The following PCDH15 variants were observed in gnomAD, a reference collection of about 807,000 sequenced individuals.
The protein encoded by PCDH15 is protocadherin related 15.
In PCDH15, 129 loss-of-function variants were observed where a neutral mutation model predicts 178.5. The observed-to-expected ratio is 0.72, with a 90% CI of 0.63 to 0.84. The LOEUF (loss-of-function observed/expected upper bound fraction) is 0.84. PCDH15 is among the 40% of genes least tolerant of loss of function. PCDH15 has a pLI of 0.00. For synonymous variants in PCDH15, 800 were observed against 732.0 expected (o/e 1.09, Z -1.50); for missense variants, 2,230 against 2,099.9 (o/e 1.06, Z -1.21).
intron 3 of PCDH15, among the ~76,000 whole-genome samples, chr10:54,887,618 A>G (rs1372939625): frequency 6.6e-6 from 1 of 152,130 alleles, no homozygotes; most frequent in African/African-American, 2.4e-5. Flanking sequence ...AATAAATTAT[A>G]AACTATTCTC....
At chr10:55,577,196 T>C (rs968738106) in intron 2 of PCDH15, among the ~76,000 whole-genome samples, 1 of 152,140 alleles carries the variant, frequency 6.6e-6, no homozygotes, top group African/African-American at 2.4e-5. Flanking sequence ...TGAGCCAAGA[T>C]TGCACCACTG....
chr10:54,482,940 C>T (rs940724381), intron 3 of PCDH15, among the ~76,000 whole-genome samples: 2 of 151,608 alleles, frequency 1.3e-5, no homozygotes, highest in Admixed American at 1.3e-4. Flanking sequence ...TAGGCAGGTA[C>T]CAGAATCTAA....
At chr10:53,850,106 C>A (rs1017927305) in intron 28 of PCDH15, among the ~76,000 whole-genome samples, 2 of 151,916 alleles carry the variant, frequency 1.3e-5, no homozygotes, top group Non-Finnish European at 2.9e-5. Flanking sequence ...AAAATAAAAC[C>A]TTTTAACTCT....
intron 15 of PCDH15, among the ~76,000 whole-genome samples, chr10:54,113,301 T>A (rs2095057982): frequency 6.6e-6 from 1 of 152,208 alleles, no homozygotes; most frequent in African/African-American, 2.4e-5. Context: ...ACCGAAGATG[T>A]TTTGTTTACT....
intron 3 of PCDH15, among the ~76,000 whole-genome samples, chr10:54,880,858 T>A (rs911816999): frequency 5.9e-5 from 9 of 151,316 alleles, no homozygotes; most frequent in Non-Finnish European, 8.8e-5. Context: ...TAGGATTTTT[T>A]AAAACTTGTA....
At chr10:54,510,899 T>C (rs1399012065) in intron 3 of PCDH15, among the ~76,000 whole-genome samples, 1 of 152,168 alleles carries the variant, frequency 6.6e-6, no homozygotes, top group Non-Finnish European at 1.5e-5. Flanking sequence ...TTAACTCATA[T>C]GATACTAAAG....
chr10:54,071,706 G>C (rs137977754), intron 17 of PCDH15, among the ~76,000 whole-genome samples: 1 of 152,038 alleles, frequency 6.6e-6, no homozygotes, highest in Non-Finnish European at 1.5e-5. Flanking sequence ...ATAGGAATCA[G>C]TCAGGAATAT....
chr10:55,171,589 AG>A (rs1398450486), intron 1 of PCDH15, among the ~76,000 whole-genome samples: 5 of 152,264 alleles, frequency 3.3e-5, no homozygotes, highest in Admixed American at 2.6e-4. Context: ...GATAATAAGG[AG>A]GGGGCCATCC....
At chr10:54,629,634 A>G (rs1353673399) in intron 2 of PCDH15, among the ~76,000 whole-genome samples, 3 of 152,148 alleles carry the variant, frequency 2.0e-5, no homozygotes, top group Non-Finnish European at 4.4e-5. Flanking sequence ...GAGCAAAATC[A>G]TACTGAATGG....
chr10:55,421,168 G>A (rs1838611885), intron 2 of PCDH15, among the ~76,000 whole-genome samples: 1 of 151,392 alleles, frequency 6.6e-6, no homozygotes. Flanking sequence ...AAAGCATTCA[G>A]TAGGATGTTT....
At chr10:54,845,886 A>G (rs1953500929) in intron 3 of PCDH15, among the ~76,000 whole-genome samples, 1 of 152,238 alleles carries the variant, frequency 6.6e-6, no homozygotes, top group African/African-American at 2.4e-5. Flanking sequence ...GATTGTCACC[A>G]CATCCAATGC....
At chr10:54,726,820 G>A (rs1259862035) in intron 1 of PCDH15, among the ~76,000 whole-genome samples, 1 of 150,162 alleles carries the variant, frequency 6.7e-6, no homozygotes, top group Non-Finnish European at 1.5e-5. Flanking sequence ...TCTAAGACTG[G>A]TTCTTCAGGT....
intron 30 of PCDH15, 168 bp downstream of exon 30, chr10:53,831,147 T>C (rs1472261462): frequency 2.5e-6 from 2 of 788,280 alleles, no homozygotes; most frequent in African/African-American, 1.7e-5. Context: ...GAGTTTGTAC[T>C]GTTTTCCTTT....
intron 13 of PCDH15, among the ~76,000 whole-genome samples, chr10:54,172,963 CAAGGA>C (rs1228145989): frequency 6.6e-6 from 1 of 152,014 alleles, no homozygotes; most frequent in Non-Finnish European, 1.5e-5. Flanking sequence ...TTAAGTATAT[CAAGGA>C]AAGGGGATAA....
At chr10:54,019,871 C>T (rs114785645) in intron 20 of PCDH15, among the ~76,000 whole-genome samples, 1 of 151,842 alleles carries the variant, frequency 6.6e-6, no homozygotes. Context: ...AATAATTATG[C>T]CTGATGCTGT....
chr10:54,431,757 G>C (rs1325631674), intron 3 of PCDH15, among the ~76,000 whole-genome samples: 4 of 152,042 alleles, frequency 2.6e-5, no homozygotes, highest in Non-Finnish European at 5.9e-5. Flanking sequence ...CCTAGGCAGA[G>C]CAATCAGACA....
intron 1 of PCDH15, among the ~76,000 whole-genome samples, chr10:55,251,343 A>G (rs758182500): frequency 3.3e-5 from 5 of 152,126 alleles, no homozygotes; most frequent in Non-Finnish European, 7.4e-5. Context: ...CACATCACTG[A>G]AGCAATCGTA....
chr10:54,840,603 T>A (rs571654511), intron 3 of PCDH15, among the ~76,000 whole-genome samples: 82 of 151,946 alleles, frequency 5.4e-4, no homozygotes, highest in African/African-American at 1.9e-3. Flanking sequence ...AATATTTAAG[T>A]TTAAATGAAT....
At chr10:54,622,077 G>GAT (rs1484501403) in intron 2 of PCDH15, among the ~76,000 whole-genome samples, 1 of 95,188 alleles carries the variant, frequency 1.1e-5, no homozygotes, top group African/African-American at 3.7e-5. Context: ...TAAGGTGAGT[G>GAT]ATATATAGTA....
Sources: gnomAD v4.1 joint callset for allele counts (sites outside exome capture counted in the v4.1 genomes callset) on GRCh38, gnomAD v4.1.1 for gene constraint, MANE v1.5 for transcripts, NCBI Gene and HGNC (gene_info 2026-07-23, HGNC 2026-07-21) for gene names.